FOXK2: variants seen among roughly 807,000 people sequenced by gnomAD.
FOXK2 encodes the protein forkhead box protein K2.
Under a neutral mutation model 53.3 loss-of-function variants are expected in FOXK2, and 24 were observed. The ratio of observed to expected loss-of-function variants is 0.45; its 90% CI spans 0.33 to 0.63. The LOEUF (loss-of-function observed/expected upper bound fraction) is 0.63, where lower values mean the gene tolerates loss of function less well. Among genes scored for constraint, FOXK2 ranks in the 30% least tolerant of loss-of-function variants. The probability of loss-of-function intolerance (pLI) is 0.03; values close to 1 mark genes in which losing one functional copy is unlikely to be tolerated. For synonymous variants in FOXK2, 505 were observed against 407.1 expected, an observed-to-expected ratio of 1.24 and a Z score of -2.89; for missense variants, 952 against 910.5, an observed-to-expected ratio of 1.05 and a Z score of -0.59.
At chr17:82,587,022 T>C in intron 7 of FOXK2, 41 bp from the exon 8 acceptor site, 2 of 1,585,682 alleles carry the variant, frequency 1.3e-6, no homozygotes, top group Non-Finnish European at 1.7e-6. Flanking sequence ...TTTATTTGCT[T>C]TCCAGTAATA....
rs2144114744 is a variant in FOXK2, at chr17:82,563,415, A to G, written c.481A>G (p.Lys161Glu). The G allele has an allele frequency of 6.2e-7, 1 of 1,614,070 alleles. No individual in the cohort carries two copies. Among genetic ancestry groups the G allele is most frequent in the Non-Finnish European group, 8.5e-7 (1 of 1,180,014 alleles). Residue 161 changes from lysine (K) to glutamate (E), a missense_variant, in exon 2 of 9, where the codon AAG (lysine) becomes GAG (glutamate). By Grantham distance (56) the Lys-to-Glu change is moderately conservative. Around this residue, in one of 5 missense-constraint regions of FOXK2, gnomAD observed 76 missense variants for 128.2 expected, o/e 0.59. Coordinates refer to ENST00000335255, the MANE Select transcript of FOXK2 (RefSeq NM_004514.4). ...KITFTALSSE[K>E]REKQEASESP... ...AACGTTCACTGCCCTGTCCAGCGAG[A>G]AGAGAGAGAAGCAGGAGGCGTCTGA...
At chr17:82,547,089 A>G (rs914760841) in intron 1 of FOXK2, among the ~76,000 whole-genome samples, 2 of 151,792 alleles carry the variant, frequency 1.3e-5, no homozygotes, top group Admixed American at 6.6e-5. Context: ...AAAAAAAAAA[A>G]AAGGAAGGAG....
intron 4 of FOXK2, among the ~76,000 whole-genome samples, chr17:82,574,482 G>A (rs768213868): frequency 2.6e-5 from 4 of 152,068 alleles, no homozygotes; most frequent in South Asian, 2.1e-4. Context: ...CACCACACCC[G>A]GCTAATTTTG....
chr17:82,565,966 C>A (rs1239394350), intron 2 of FOXK2, among the ~76,000 whole-genome samples: 1 of 152,052 alleles, frequency 6.6e-6, no homozygotes, highest in Non-Finnish European at 1.5e-5. Context: ...TAAATTAACC[C>A]TGAGGACGTT....
Position 82,520,014 on chromosome 17 carries a change from C to T in FOXK2, c.126C>T (p.Gly42=). 2.0e-6 allele frequency: 3 copies of T among 1,474,586 alleles called. No homozygotes were observed. The highest frequency in any genetic ancestry group is 2.7e-6 in the Non-Finnish European group (3 of 1,110,034). The allele number at this position is 1,474,586 out of a possible 1,614,324, so 91.3% of individuals were successfully genotyped here. A position where few individuals can be genotyped will look rare whatever the true frequency, so the allele number is the denominator to read the frequency against. The change falls in exon 1 of 9, where the codon GGC becomes GGT. Residue 42 remains glycine (G), a synonymous_variant. Coordinates refer to ENST00000335255, the MANE Select transcript of FOXK2 (RefSeq NM_004514.4). The stretch of plus-strand genomic sequence containing the variant: ...GCTGGGCCGTGGCGCGCCTGGAGGG[C>T]CGCGAGTTCGAGTATCTGATGAAGA... ...PGGWAVARLE[G]REFEYLMKKR...
chr17:82,586,049 C>T lies in FOXK2; in HGVS notation c.1425C>T (p.His475=), dbSNP rs769002576. ...PPVVQTVHVV[H]QIPAVSVTSV... The stretch of plus-strand genomic sequence containing the variant: ...TCGTGCAGACGGTTCACGTCGTCCA[C>T]CAGATCCCAGCGGTGTCGGTCACCA... Residue 475 remains histidine (H), a synonymous_variant, in exon 7 of 9, where the codon CAC becomes CAT. Coordinates refer to ENST00000335255, the MANE Select transcript of FOXK2 (RefSeq NM_004514.4). 4 of 1,612,704 alleles carry T rather than the reference C, an allele frequency of 2.5e-6. No homozygotes were observed. The highest frequency in any genetic ancestry group is 4.5e-5 in the East Asian group (2 of 44,894).
Position 82,587,176 on chromosome 17 carries a change from C to A in FOXK2, c.1690C>A (p.Pro564Thr). ...VQTVTIVQQA[P>T]LGQHQLPIKT... ...GACGGTGACCATAGTACAACAGGCA[C>A]CTCTAGGTCAACACCAGCTACCAAT... Residue 564 changes from proline (P) to threonine (T), a missense_variant, in exon 8 of 9, where the codon CCT (proline) becomes ACT (threonine). Pro to Thr is a conservative substitution (Grantham distance 38). Around this residue, in one of 5 missense-constraint regions of FOXK2, gnomAD observed 551 missense variants for 385.1 expected, o/e 1.43. Coordinates refer to ENST00000335255, the MANE Select transcript of FOXK2 (RefSeq NM_004514.4). 1 of 1,613,064 alleles carries A rather than the reference C, an allele frequency of 6.2e-7. No homozygotes were observed. The highest frequency in any genetic ancestry group is 2.2e-5 in the East Asian group (1 of 44,888).
In FOXK2 at chr17:82,584,063, G is replaced by A; in HGVS notation, c.1154G>A (p.Ser385Asn). 1 of 1,611,862 alleles carries A rather than the reference G, an allele frequency of 6.2e-7. No individual in the cohort carries two copies. The highest frequency in any genetic ancestry group is 1.7e-4 in the Middle Eastern group (1 of 6,058). The change falls in exon 6 of 9, where the codon AGT becomes AAT. Residue 385 changes from serine (S) to asparagine (N), a missense_variant. This residue lies in a region of FOXK2 where 551 missense variants were observed against 385.1 expected (regional missense o/e 1.43). Coordinates refer to ENST00000335255, the MANE Select transcript of FOXK2 (RefSeq NM_004514.4). Reference protein sequence around the residue: ...NHAGVLSAHSSGAQTPESLSR... With the variant: ...NHAGVLSAHSNGAQTPESLSR... ...GCGGGAGTGCTGTCTGCTCACTCTA[G>A]TGGCGCCCAGACCCCTGAGAGCCTG...
intron 8 of FOXK2, chr17:82,598,887 G>A (rs945016101): frequency 2.7e-4 from 41 of 152,130 alleles, no homozygotes; most frequent in African/African-American, 8.7e-4. Context: ...GCCGTCAGGC[G>A]CCAGGAAACC....
intron 4 of FOXK2, among the ~76,000 whole-genome samples, chr17:82,582,075 AT>A (rs1264815257): frequency 2.6e-5 from 4 of 152,054 alleles, no homozygotes; most frequent in Non-Finnish European, 4.4e-5. Flanking sequence ...TACTGGATTA[AT>A]TTACTTTTAA....
rs150516154 is a variant in FOXK2, at chr17:82,541,213, TAGAC to T, written c.419+20909_419+20912del. 7.5e-3 allele frequency among the ~76,000 whole-genome samples: 1,142 copies of T among 151,984 alleles called. 9 individuals carry two copies. The highest frequency in any genetic ancestry group is 0.025 in the African/African-American group (1,054 of 41,458). ...GGTATAAGCACAAGTAGGCCTGAAA[TAGAC>T]AGGTTTCTGGAGTTAGAATTTTAAA... On this transcript the variant is annotated intron_variant, in intron 1 of 8. Coordinates refer to ENST00000335255, the MANE Select transcript of FOXK2 (RefSeq NM_004514.4).
At chr17:82,542,371 G>T (rs771011037) in intron 1 of FOXK2, among the ~76,000 whole-genome samples, 20 of 152,008 alleles carry the variant, frequency 1.3e-4, no homozygotes, top group Non-Finnish European at 1.8e-4. Context: ...CACCATGTTG[G>T]CCAGGCTGGT....
intron 1 of FOXK2, among the ~76,000 whole-genome samples, chr17:82,553,650 G>A (rs1056806309): frequency 6.6e-6 from 1 of 152,224 alleles, no homozygotes; most frequent in Non-Finnish European, 1.5e-5. Flanking sequence ...ATTCACAGGC[G>A]TGGCTGCGAA....
intron 4 of FOXK2, among the ~76,000 whole-genome samples, chr17:82,582,323 C>T (rs2045073477): frequency 6.6e-6 from 1 of 152,148 alleles, no homozygotes; most frequent in Non-Finnish European, 1.5e-5. Context: ...TGCCAGCTCT[C>T]CACCCTGCCT....
chr17:82,587,498 A>G, intron 8 of FOXK2: 2 of 565,136 alleles, frequency 3.5e-6, no homozygotes, highest in Non-Finnish European at 6.4e-6. Flanking sequence ...AGAGTTTCTA[A>G]TACATTGAGA....
At chr17:82,525,834 A>G (rs540066976) in intron 1 of FOXK2, among the ~76,000 whole-genome samples, 89 of 152,308 alleles carry the variant, frequency 5.8e-4, no homozygotes, top group Non-Finnish European at 1.2e-3. Context: ...AATGAACTCT[A>G]TCAGTTCTAC....
At chr17:82,535,385 C>T (rs529349364) in intron 1 of FOXK2, among the ~76,000 whole-genome samples, 155 of 152,292 alleles carry the variant, frequency 1.0e-3, no homozygotes, top group African/African-American at 3.5e-3. Context: ...TCATTAAACT[C>T]GAAAAGGTTT....
At chr17:82,599,691 A>T (rs376041261) in intron 8 of FOXK2, 3 of 152,152 alleles carry the variant, frequency 2.0e-5, no homozygotes, top group African/African-American at 7.2e-5. Context: ...TGAGGAGCTG[A>T]CCACGCACCT....
intron 4 of FOXK2, among the ~76,000 whole-genome samples, chr17:82,581,252 C>A (rs1567982066): frequency 6.6e-6 from 1 of 152,206 alleles, no homozygotes; most frequent in Non-Finnish European, 1.5e-5. Flanking sequence ...CGGCTTTGGC[C>A]TGAGTCAGGT....
Sources: gnomAD v4.1 joint callset for allele counts (sites outside exome capture counted in the v4.1 genomes callset) on GRCh38, gnomAD v4.1.1 for gene constraint, gnomAD v4.1.1 regional missense constraint, MANE v1.5 for transcripts, NCBI Gene and HGNC (gene_info 2026-07-23, HGNC 2026-07-21) for gene names.